The following HPSE2 variants were observed in gnomAD, a reference collection of about 807,000 sequenced individuals.
HPSE2 encodes heparanase 2 (inactive), also known as inactive heparanase-2.
HPSE2 carries 38 observed loss-of-function variants against 60.5 expected under a neutral mutation model. That is an observed-to-expected ratio of 0.63 (90% CI 0.48 to 0.82). The LOEUF is 0.82. HPSE2 is among the 40% of genes least tolerant of loss of function. The probability of loss-of-function intolerance (pLI) is 0.00; values close to 1 mark genes in which losing one functional copy is unlikely to be tolerated. For synonymous variants in HPSE2, 295 were observed against 293.2 expected, an observed-to-expected ratio of 1.01 and a Z score of -0.06; for missense variants, 713 against 740.4, an observed-to-expected ratio of 0.96 and a Z score of 0.43.
intron 3 of HPSE2, among the ~76,000 whole-genome samples, chr10:99,133,209 C>T (rs867308974): frequency 1.3e-4 from 20 of 152,284 alleles, no homozygotes; most frequent in African/African-American, 3.6e-4. Context: ...CTGGGCAGGG[C>T]ATGTCTGAAA....
At chr10:99,236,001 T>G (rs952634072), upstream of HPSE2, 6 of 472,824 alleles carry the variant, frequency 1.3e-5, no homozygotes, top group African/African-American at 9.2e-5. Context: ...GTTTTTTTCT[T>G]TTTTTTTTTT....
At position 98,626,150 on chromosome 10, in the gene HPSE2, CAAGT is replaced by C. The variant is rs953712068; in HGVS notation, c.1099-5446_1099-5443del. On this transcript the variant is annotated intron_variant, in intron 7 of 11. Coordinates refer to ENST00000370552, the MANE Select transcript of HPSE2 (RefSeq NM_021828.5). ...AAAAAAGAAAAAAGATGAATAAAAA[CAAGT>C]AAGAAAATTACTTACCCAATTTTTG... is the stretch of plus-strand genomic sequence containing the variant. 1.0e-4 allele frequency among the ~76,000 whole-genome samples: 15 copies of C among 149,696 alleles called. 1 individual carries two copies. The highest frequency in any genetic ancestry group is 1.8e-4 in the Non-Finnish European group (12 of 67,402).
chr10:98,866,927 A>G (rs969519162), intron 3 of HPSE2, among the ~76,000 whole-genome samples: 3 of 152,208 alleles, frequency 2.0e-5, no homozygotes, highest in Admixed American at 2.0e-4. Flanking sequence ...AGAAATCTGT[A>G]TCAACATGAA....
At chr10:99,215,896 A>G (rs1041663708) in intron 2 of HPSE2, among the ~76,000 whole-genome samples, 1 of 152,254 alleles carries the variant, frequency 6.6e-6, no homozygotes, top group Non-Finnish European at 1.5e-5. Flanking sequence ...TGCATTGTAT[A>G]GGATGTGAAT....
intron 2 of HPSE2, among the ~76,000 whole-genome samples, chr10:99,172,330 C>T (rs1478381165): frequency 1.3e-5 from 2 of 152,162 alleles, no homozygotes; most frequent in African/African-American, 4.8e-5. Flanking sequence ...GGCTTTGGAG[C>T]CTCCTAGTGG....
chr10:99,289,189 GTGCAACAGAT>G, the HPSE2 span, among the ~76,000 whole-genome samples: 1 of 152,096 alleles, frequency 6.6e-6, no homozygotes, highest in Non-Finnish European at 1.5e-5. Flanking sequence ...ACCATCCACA[GTGCAACAGAT>G]TGCAAAATTT....
chr10:98,704,311 C>A (rs1195064915), intron 5 of HPSE2, among the ~76,000 whole-genome samples: 1 of 151,962 alleles, frequency 6.6e-6, no homozygotes, highest in Non-Finnish European at 1.5e-5. Flanking sequence ...AGAATCAATA[C>A]CGTGAAAATG....
At chr10:99,100,800 G>A (rs1843937919) in intron 3 of HPSE2, among the ~76,000 whole-genome samples, 1 of 152,184 alleles carries the variant, frequency 6.6e-6, no homozygotes, top group Non-Finnish European at 1.5e-5. Flanking sequence ...TCTCTCGTCA[G>A]AAACTCTACA....
intron 9 of HPSE2, among the ~76,000 whole-genome samples, chr10:98,550,709 C>G (rs1411394688): frequency 6.6e-6 from 1 of 151,958 alleles, no homozygotes; most frequent in African/African-American, 2.4e-5. Context: ...CTCCTGACCT[C>G]GTGATATGCC....
chr10:98,943,446 T>A (rs1472477127), intron 3 of HPSE2, among the ~76,000 whole-genome samples: 1 of 151,978 alleles, frequency 6.6e-6, no homozygotes, highest in East Asian at 1.9e-4. Context: ...TCTGTACCCT[T>A]GTGGTAGACA....
the HPSE2 span, among the ~76,000 whole-genome samples, chr10:99,290,457 C>A: frequency 6.6e-6 from 1 of 152,196 alleles, no homozygotes; most frequent in African/African-American, 2.4e-5. Flanking sequence ...TGCCACTGAG[C>A]CCAACTGACA....
chr10:99,225,086 C>T (rs1008897534), intron 2 of HPSE2, among the ~76,000 whole-genome samples: 9 of 152,052 alleles, frequency 5.9e-5, no homozygotes, highest in Admixed American at 2.6e-4. Flanking sequence ...TACAGAAATG[C>T]ATCCATTTTG....
At chr10:98,982,859 G>A (rs1192613347) in intron 3 of HPSE2, among the ~76,000 whole-genome samples, 3 of 152,226 alleles carry the variant, frequency 2.0e-5, no homozygotes, top group East Asian at 3.9e-4. Flanking sequence ...GTCAAGTCTC[G>A]AGTTTGAACT....
chr10:99,264,225 C>T, the HPSE2 span, among the ~76,000 whole-genome samples: 53 of 151,972 alleles, frequency 3.5e-4, no homozygotes, highest in Non-Finnish European at 6.9e-4. Context: ...GTAGCTGTGA[C>T]TACAGGTGCC....
At chr10:98,489,085 G>A (rs905227374) in intron 10 of HPSE2, among the ~76,000 whole-genome samples, 10 of 152,336 alleles carry the variant, frequency 6.6e-5, no homozygotes, top group African/African-American at 2.4e-4. Context: ...GGGCTGGAAT[G>A]AAGGTCTGGC....
In HPSE2 at chr10:98,620,609, C is replaced by T; in HGVS notation, c.1198G>A (p.Gly400Arg). The change falls in exon 8 of 12, where the codon GGA becomes AGA. Residue 400 changes from glycine to arginine, a missense_variant. Transcript: ENST00000370552. ...TNNLSDSYAAGFLWLNTLGML... is the reference protein window; with the variant it reads ...TNNLSDSYAARFLWLNTLGML... ...CTTGCAGGTGTTACTCACAAGAATCCTGCAGCATAGGAATCGGATAGATTG... is the reference window on the plus strand; with the variant it reads ...CTTGCAGGTGTTACTCACAAGAATCTTGCAGCATAGGAATCGGATAGATTG... 1 of 1,613,618 alleles carries T rather than the reference C, an allele frequency of 6.2e-7. No homozygotes were observed. The highest frequency in any genetic ancestry group is 8.5e-7 in the Non-Finnish European group (1 of 1,179,582).
chr10:99,257,624 G>A, the HPSE2 span, among the ~76,000 whole-genome samples: 60 of 152,116 alleles, frequency 3.9e-4, no homozygotes, highest in African/African-American at 1.4e-3. Flanking sequence ...ATGCGTGCCC[G>A]AAACTTCATT....
chr10:99,009,240 CAAAAAAAAAA>C (rs56775967), intron 3 of HPSE2, among the ~76,000 whole-genome samples: 4 of 74,422 alleles, frequency 5.4e-5, no homozygotes, highest in South Asian at 5.9e-4. Flanking sequence ...CCAGTGTCTA[CAAAAAAAAAA>C]AAAAAAAAAA....
At chr10:98,958,229 A>G (rs1955558493) in intron 3 of HPSE2, among the ~76,000 whole-genome samples, 1 of 152,176 alleles carries the variant, frequency 6.6e-6, no homozygotes, top group Non-Finnish European at 1.5e-5. Flanking sequence ...ACATACACAT[A>G]TTTGTATACA....
Sources: allele counts gnomAD v4.1 joint callset (sites outside exome capture counted in the v4.1 genomes callset), GRCh38; gene constraint gnomAD v4.1.1; transcripts MANE v1.5; gene names NCBI Gene and HGNC (gene_info 2026-07-23, HGNC 2026-07-21).